Variants in COG1 observed in about 807,000 individuals in gnomAD.
The protein encoded by COG1 is component of oligomeric golgi complex 1, also known as conserved oligomeric Golgi complex subunit 1.
In COG1, 61 loss-of-function variants were observed where a neutral mutation model predicts 102.2. The observed-to-expected ratio is 0.60, with a 90% confidence interval of 0.49 to 0.74. The LOEUF (loss-of-function observed/expected upper bound fraction) is 0.74. Ranked by LOEUF, COG1 falls within the 30% of genes least tolerant of loss-of-function variation. The pLI, the probability that COG1 is intolerant of heterozygous loss-of-function variation, is 0.00. For synonymous variants in COG1, 454 were observed against 493.6 expected, an observed-to-expected ratio of 0.92 and a Z score of 1.06; for missense variants, 1,164 against 1,232.1, an observed-to-expected ratio of 0.94 and a Z score of 0.83.
rs183110686 is a variant in COG1, at chr17:73,194,906, A to G, written c.315+1522A>G. 1.5e-3 allele frequency among the ~76,000 whole-genome samples: 221 copies of G among 152,350 alleles called. 1 individual carries two copies. Among genetic ancestry groups the G allele is most frequent in the African/African-American group, 5.0e-3 (208 of 41,586 alleles). ...AATTGAAAAGTACAGTCTAACTCCA[A>G]TTTGGAACTTGTTCATGCTATCTGA... On this transcript the variant is annotated intron_variant, in intron 1 of 13. Transcript: ENST00000299886.
intron 13 of COG1, 143 bp downstream of exon 13, chr17:73,207,399 A>T: frequency 1.2e-6 from 1 of 830,724 alleles, no homozygotes; most frequent in Non-Finnish European, 2.0e-6. Context: ...GGCGCAATAG[A>T]GAAGTACAAG....
chr17:73,203,159 C>G lies in COG1; in HGVS notation c.2220+13C>G. On this transcript the variant is annotated intron_variant, in intron 8 of 13. Coordinates refer to ENST00000299886, the MANE Select transcript of COG1 (RefSeq NM_018714.3). Reference sequence around the variant, plus strand: ...ACTCCCTGCACAGGTGAGCAGGGACCATGGGCTGAAAAAGGGAATAAACTG... The same window carrying G: ...ACTCCCTGCACAGGTGAGCAGGGACGATGGGCTGAAAAAGGGAATAAACTG... 6.2e-7 allele frequency: 1 copy of G among 1,613,884 alleles called. No homozygotes were observed. The highest frequency in any genetic ancestry group is 1.1e-5 in the South Asian group (1 of 91,050).
intron 9 of COG1, among the ~76,000 whole-genome samples, chr17:73,204,068 G>T (rs1225450681): frequency 1.3e-5 from 2 of 152,204 alleles, no homozygotes; most frequent in Non-Finnish European, 2.9e-5. Flanking sequence ...GGCTGAGGTG[G>T]GAGGATGGCT....
chr17:73,208,083 C>T, intron 13 of COG1: 1 of 1,424,208 alleles, frequency 7.0e-7, no homozygotes, highest in South Asian at 1.5e-5. Context: ...TGTGTCTACC[C>T]TTTTCCCAAG....
chr17:73,193,216 G>T lies in COG1; in HGVS notation c.147G>T (p.Arg49=). 1 of 1,608,924 alleles carries T rather than the reference G, an allele frequency of 6.2e-7. No individual in the cohort carries two copies. The change falls in exon 1 of 14, where the codon CGG becomes CGT. Residue 49 remains arginine, a synonymous_variant. Transcript: ENST00000299886. ...AEIEHKKEEL[R]QMVGERYRDL... ...TCGAGCACAAGAAGGAGGAGCTGCG[G>T]CAGATGGTGGGCGAACGGTACCGCG...
chr17:73,203,916 A>G (rs2061357516), intron 9 of COG1, 123 bp downstream of exon 9: 2 of 1,103,282 alleles, frequency 1.8e-6, no homozygotes, highest in South Asian at 2.6e-5. Context: ...CAGCCCAGGC[A>G]TCGGGTCCTG....
At chr17:73,208,196 G>A (rs2061391309) in intron 13 of COG1, 118 bp from the exon 14 acceptor site, 11 of 1,580,764 alleles carry the variant, frequency 7.0e-6, no homozygotes, top group South Asian at 6.8e-5. Context: ...TAGAGCCATC[G>A]TGCTTCTCAG....
Position 73,201,893 on chromosome 17 carries a change from T to C in COG1, c.2066T>C (p.Val689Ala). Residue 689 changes from valine to alanine, a missense_variant, in exon 7 of 14, where the codon GTT becomes GCT. Coordinates refer to ENST00000299886, the MANE Select transcript of COG1 (RefSeq NM_018714.3). ...GGCTACCAGGTCTGGAGCAGTGCAG[T>C]TGTGAAAGTGAGTGATGTAATTTCT... ...VMGYQVWSSA[V>A]VKVLIHGFTQ... 2 of 1,614,056 alleles carry C rather than the reference T, an allele frequency of 1.2e-6. No individual in the cohort carries two copies. The highest frequency in any genetic ancestry group is 1.7e-6 in the Non-Finnish European group (2 of 1,179,952).
In COG1 at chr17:73,196,114, G is replaced by A. The variant is rs116589038; in HGVS notation, c.316-393G>A. On this transcript the variant is annotated intron_variant, in intron 1 of 13. Transcript: ENST00000299886. ...GAGGGCCTTCTTGCTGTATCCTCAC[G>A]TGGGGGAAGGTAGAAGAACCTAAAA... Among the ~76,000 whole-genome samples, 627 of 152,270 alleles carry A rather than the reference G, an allele frequency of 4.1e-3. 6 individuals are homozygous for A. The highest frequency in any genetic ancestry group is 0.014 in the African/African-American group (574 of 41,540).
intron 7 of COG1, among the ~76,000 whole-genome samples, chr17:73,202,777 C>A (rs1384038940): frequency 3.3e-5 from 5 of 152,152 alleles, no homozygotes; most frequent in East Asian, 1.9e-4. Context: ...AAGGGCAAGA[C>A]CCTGTCTCAA....
At chr17:73,197,891 C>A (rs2061331827) in intron 4 of COG1, among the ~76,000 whole-genome samples, 4 of 152,172 alleles carry the variant, frequency 2.6e-5, no homozygotes, top group African/African-American at 9.7e-5. Flanking sequence ...CAGATAATGC[C>A]CAGCCTTGTG....
In COG1 at chr17:73,200,651, A is replaced by G; in HGVS notation, c.1156A>G (p.Met386Val). The change falls in exon 6 of 14, where the codon ATG becomes GTG. Residue 386 changes from methionine to valine, a missense_variant. Physicochemically the swap from Met to Val is conservative, Grantham distance 21. Coordinates refer to ENST00000299886, the MANE Select transcript of COG1 (RefSeq NM_018714.3). ...MKGLAGIRDA[M>V]WELLTNESTN... ...GGGTCTCGCGGGAATCCGGGACGCC[A>G]TGTGGGAGTTACTTACCAATGAGTC... 1 of 1,614,202 alleles carries G rather than the reference A, an allele frequency of 6.2e-7. No individual in the cohort carries two copies. Among genetic ancestry groups the G allele is most frequent in the Non-Finnish European group, 8.5e-7 (1 of 1,180,038 alleles).
chr17:73,197,150 T>C (rs1035402646), intron 3 of COG1, 69 bp downstream of exon 3: 1 of 1,612,436 alleles, frequency 6.2e-7, no homozygotes, highest in African/African-American at 1.3e-5. Flanking sequence ...TGCGGGAGAC[T>C]GAAGCCTCCA....
chr17:73,196,178 C>T (rs2061324197), intron 1 of COG1, among the ~76,000 whole-genome samples: 1 of 152,134 alleles, frequency 6.6e-6, no homozygotes, highest in Non-Finnish European at 1.5e-5. Context: ...GATCCATTTG[C>T]TGTGGTTTGG....
chr17:73,198,897 G>A (rs865843580), intron 4 of COG1, among the ~76,000 whole-genome samples: 14 of 152,214 alleles, frequency 9.2e-5, no homozygotes, highest in East Asian at 5.8e-4. Flanking sequence ...TGGTGGCCAC[G>A]TGGCTGTTTC....
rs1177437955 is a variant in COG1, at chr17:73,206,803, A to G, written c.2715A>G (p.Ala905=). The G allele has an allele frequency of 1.6e-5, 26 of 1,613,548 alleles. No homozygotes were observed. The highest frequency in any genetic ancestry group is 1.9e-5 in the Non-Finnish European group (22 of 1,179,616). ...AACCCCATAACATCCTGCCACTGGCATCCAGTCAGATCAGGTAAAGGCTGC... is the reference window on the plus strand; with the variant it reads ...AACCCCATAACATCCTGCCACTGGCGTCCAGTCAGATCAGGTAAAGGCTGC... The part of the protein sequence containing the change: ...SQEPHNILPL[A]SSQIRFGLLP... The change falls in exon 12 of 14, where the codon GCA becomes GCG. Residue 905 remains alanine, a synonymous_variant. Transcript: ENST00000299886.
At position 73,201,106 on chromosome 17, in the gene COG1, T is replaced by C. The variant is rs188853520; in HGVS notation, c.1282-3T>C. On this transcript the variant is annotated splice_region_variant and splice_polypyrimidine_tract_variant and intron_variant, in intron 6 of 13. Coordinates refer to ENST00000299886, the MANE Select transcript of COG1 (RefSeq NM_018714.3). ...TTAGAACTCTTCTCTCATTCTCTTT[T>C]AGACTCTGACAAAAGAAGGCTTTGA... The C allele has an allele frequency of 1.1e-4, 180 of 1,613,544 alleles. No homozygotes were observed. The African/African-American group carries it at 2.2e-3, about 20-fold the overall frequency.
chr17:73,194,151 A>C (rs1034643387), intron 1 of COG1, among the ~76,000 whole-genome samples: 14 of 149,800 alleles, frequency 9.3e-5, no homozygotes, highest in Admixed American at 2.0e-4. Flanking sequence ...GTTCCTAAAG[A>C]ATTTTTATTG....
At chr17:73,199,233 G>A (rs182220947) in intron 4 of COG1, among the ~76,000 whole-genome samples, 1 of 152,306 alleles carries the variant, frequency 6.6e-6, no homozygotes, top group Admixed American at 6.5e-5. Flanking sequence ...AGCAGTCATC[G>A]ATTCTTTCCT....
Sources: allele counts gnomAD v4.1 joint callset (sites outside exome capture counted in the v4.1 genomes callset), GRCh38; gene constraint gnomAD v4.1.1; transcripts MANE v1.5; gene names NCBI Gene and HGNC (gene_info 2026-07-23, HGNC 2026-07-21).